Variants in SPAG17 observed in about 807,000 individuals in gnomAD.
The protein encoded by SPAG17 is sperm-associated antigen 17.
A neutral mutation model predicts 273.6 loss-of-function variants in SPAG17; 169 were observed. The observed-to-expected ratio is 0.62, with a 90% CI of 0.55 to 0.70. The LOEUF is 0.70. Ranked by LOEUF, SPAG17 falls within the 30% of genes least tolerant of loss-of-function variation. SPAG17 has a pLI of 0.00. For missense variants in SPAG17, 2,557 were observed against 2,627.8 expected (o/e 0.97, Z 0.59); for synonymous variants, 825 against 873.2 (o/e 0.94, Z 0.97).
intron 1 of SPAG17, among the ~76,000 whole-genome samples, chr1:118,162,929 T>C (rs1319231249): frequency 1.3e-5 from 2 of 152,172 alleles, no homozygotes; most frequent in Non-Finnish European, 2.9e-5. Context: ...AGTGAAATCA[T>C]ACAATAAACA....
intron 46 of SPAG17, among the ~76,000 whole-genome samples, chr1:117,967,036 G>A (rs1653938963): frequency 6.6e-6 from 1 of 152,150 alleles, no homozygotes. Flanking sequence ...GTTATTGGAA[G>A]TGGAACTGAA....
Position 118,185,174 on chromosome 1 carries a change from G to A in SPAG17, c.-17C>T, listed in dbSNP as rs375625561. The stretch of plus-strand genomic sequence containing the variant: ...GGGTGCCATGCAAAGGACGGGAGAA[G>A]CATTGGCCTCTAAACTGGGCGCAGG... On this transcript the variant is annotated 5_prime_UTR_variant, in exon 1 of 49. Coordinates refer to ENST00000336338, the MANE Select transcript of SPAG17 (RefSeq NM_206996.4). 3.7e-6 allele frequency: 6 copies of A among 1,602,572 alleles called. No homozygotes were observed. The highest frequency in any genetic ancestry group is 4.3e-6 in the Non-Finnish European group (5 of 1,169,626).
At chr1:118,160,235 GATTGAGTTCCT>G (rs1659847675) in intron 1 of SPAG17, among the ~76,000 whole-genome samples, 1 of 152,178 alleles carries the variant, frequency 6.6e-6, no homozygotes, top group Non-Finnish European at 1.5e-5. Context: ...CTTTGACCTT[GATTGAGTTCCT>G]TCAATGTTGC....
chr1:118,150,950 C>T (rs1156769303), intron 2 of SPAG17, among the ~76,000 whole-genome samples: 1 of 152,224 alleles, frequency 6.6e-6, no homozygotes, highest in Non-Finnish European at 1.5e-5. Context: ...AATTATTTAA[C>T]TTGAATTAAA....
intron 6 of SPAG17, among the ~76,000 whole-genome samples, chr1:118,098,921 A>G (rs182599898): frequency 2.6e-5 from 4 of 152,354 alleles, no homozygotes; most frequent in Admixed American, 2.0e-4. Context: ...AAATGATATT[A>G]TTAATAAATA....
At chr1:118,136,671 G>T (rs2802658) in intron 3 of SPAG17, among the ~76,000 whole-genome samples, 1 of 152,142 alleles carries the variant, frequency 6.6e-6, no homozygotes, top group Non-Finnish European at 1.5e-5. Flanking sequence ...GTGAAACGGA[G>T]AAACTCTTTT....
intron 10 of SPAG17, among the ~76,000 whole-genome samples, chr1:118,088,780 A>G (rs777409847): frequency 3.9e-5 from 6 of 152,224 alleles, no homozygotes; most frequent in Non-Finnish European, 7.3e-5. Context: ...TAGGAAGTTA[A>G]GCTGGAATTC....
chr1:117,998,466 T>C (rs1487697830), intron 32 of SPAG17, among the ~76,000 whole-genome samples: 4 of 152,154 alleles, frequency 2.6e-5, no homozygotes, highest in Admixed American at 2.0e-4. Context: ...AGCCCTGTAG[T>C]ACAGCTGAAG....
intron 8 of SPAG17, among the ~76,000 whole-genome samples, 194 bp downstream of exon 8, chr1:118,092,962 C>A (rs1278342552): frequency 6.6e-6 from 1 of 152,192 alleles, no homozygotes; most frequent in Admixed American, 6.5e-5. Flanking sequence ...AAGGTTCCAT[C>A]CTTGCCTTTG....
chr1:118,008,825 T>C (rs751775334), intron 30 of SPAG17, among the ~76,000 whole-genome samples: 1 of 152,250 alleles, frequency 6.6e-6, no homozygotes, highest in East Asian at 1.9e-4. Context: ...TCTATACATA[T>C]ATGTGTGCAT....
chr1:118,086,761 A>C lies in SPAG17; in HGVS notation c.1521T>G (p.Ser507=), dbSNP rs1472304212. 1.9e-6 allele frequency: 3 copies of C among 1,614,164 alleles called. No individual in the cohort carries two copies. The highest frequency in any genetic ancestry group is 3.3e-5 in the Admixed American group (2 of 60,018). ...EKKNLHDIFL[S]EEENESKAVP... ...CTGCTTTGCTTTCATTTTCTTCTTC[A>C]GATAAAAATATGTCATGAAGATTCT... The change falls in exon 12 of 49, where the codon TCT becomes TCG. Residue 507 remains serine, a synonymous_variant. Coordinates refer to ENST00000336338, the MANE Select transcript of SPAG17 (RefSeq NM_206996.4).
intron 1 of SPAG17, among the ~76,000 whole-genome samples, chr1:118,170,397 A>T (rs1263032686): frequency 6.6e-6 from 1 of 152,158 alleles, no homozygotes. Flanking sequence ...GAAGAGAAAC[A>T]GTGGGTTAGG....
intron 24 of SPAG17, 124 bp from the exon 25 acceptor site, chr1:118,031,991 T>C: frequency 1.4e-6 from 1 of 727,126 alleles, no homozygotes; most frequent in Admixed American, 3.0e-5. Context: ...CTAAATATGA[T>C]TTATCAGTTG....
intron 23 of SPAG17, 81 bp from the exon 24 acceptor site, chr1:118,036,964 T>A (rs1649158682): frequency 2.0e-6 from 2 of 977,080 alleles, no homozygotes; most frequent in East Asian, 2.6e-5. Context: ...AGGCTGGGAA[T>A]GGAGTTCATA....
chr1:117,981,671 C>G (rs1655829382), intron 42 of SPAG17, among the ~76,000 whole-genome samples: 1 of 152,164 alleles, frequency 6.6e-6, no homozygotes, highest in South Asian at 2.1e-4. Context: ...GGCATTATGA[C>G]TAAATAGTAG....
rs537315858 is a variant in SPAG17, at chr1:118,076,176, A to G, written c.2210-1576T>C. On this transcript the variant is annotated intron_variant, in intron 15 of 48. Coordinates refer to ENST00000336338, the MANE Select transcript of SPAG17 (RefSeq NM_206996.4). ...CATATAGAGAAATTAGAAATGTGGGAAAAAACCTACAACAAAGCCTTATTC... is the reference window on the plus strand; with the variant it reads ...CATATAGAGAAATTAGAAATGTGGGGAAAAACCTACAACAAAGCCTTATTC... Among the ~76,000 whole-genome samples, 6 of 152,228 alleles carry G rather than the reference A, an allele frequency of 3.9e-5. No homozygotes were observed. The East Asian group carries it at 1.2e-3, about 29-fold the overall frequency.
At chr1:118,148,114 A>AT (rs1159451293) in intron 3 of SPAG17, among the ~76,000 whole-genome samples, 1 of 152,166 alleles carries the variant, frequency 6.6e-6, no homozygotes, top group African/African-American at 2.4e-5. Context: ...AATTTGTTAG[A>AT]TTATCTTTTA....
chr1:118,148,234 C>T (rs928930296), intron 3 of SPAG17, among the ~76,000 whole-genome samples: 8 of 152,196 alleles, frequency 5.3e-5, no homozygotes, highest in African/African-American at 1.4e-4. Context: ...GAGTTGATTC[C>T]TTCCAGTGGG....
At position 117,973,475 on chromosome 1, in the gene SPAG17, A is replaced by G. The variant is rs751404215; in HGVS notation, c.6091T>C (p.Leu2031=). Residue 2031 remains leucine, a synonymous_variant, in exon 44 of 49, where the codon TTG becomes CTG. Coordinates refer to ENST00000336338, the MANE Select transcript of SPAG17 (RefSeq NM_206996.4). ...TTGGAACTCAGCAAATAATGAGGCAACTTCACTTTTTCTTTTCTTGTTTGT... is the reference window on the plus strand; with the variant it reads ...TTGGAACTCAGCAAATAATGAGGCAGCTTCACTTTTTCTTTTCTTGTTTGT... ...AGQTRKEKVK[L]PHYLLSSKPK... 4 of 1,613,926 alleles carry G rather than the reference A, an allele frequency of 2.5e-6. No homozygotes were observed. Among genetic ancestry groups the G allele is most frequent in the Non-Finnish European group, 3.4e-6 (4 of 1,179,944 alleles).
Sources: allele counts gnomAD v4.1 joint callset (sites outside exome capture counted in the v4.1 genomes callset), GRCh38; gene constraint gnomAD v4.1.1; transcripts MANE v1.5; gene names NCBI Gene and HGNC (gene_info 2026-07-23, HGNC 2026-07-21).